DCC: variants seen among roughly 807,000 people sequenced by gnomAD.
DCC encodes netrin receptor DCC.
In DCC, 58 loss-of-function variants were observed where a neutral mutation model predicts 172.5. That is an observed-to-expected ratio of 0.34 (90% CI 0.27 to 0.42). The LOEUF (loss-of-function observed/expected upper bound fraction) is 0.42. Among genes scored for constraint, DCC ranks in the 10% least tolerant of loss-of-function variants. The pLI is 1.00. For synonymous variants in DCC, 709 were observed against 644.5 expected, an observed-to-expected ratio of 1.10 and a Z score of -1.52; for missense variants, 1,740 against 1,791.0, an observed-to-expected ratio of 0.97 and a Z score of 0.51.
chr18:52,495,739 T>C (rs545586909), intron 1 of DCC, among the ~76,000 whole-genome samples: 1 of 151,374 alleles, frequency 6.6e-6, no homozygotes, highest in African/African-American at 2.4e-5. Flanking sequence ...TGGCTGCATT[T>C]TTTATTTATT....
At chr18:52,880,062 T>G (rs567953105) in intron 2 of DCC, among the ~76,000 whole-genome samples, 13 of 152,276 alleles carry the variant, frequency 8.5e-5, no homozygotes, top group Admixed American at 7.2e-4. Context: ...TATTTTTAAA[T>G]GTACTATCAG....
intron 1 of DCC, among the ~76,000 whole-genome samples, chr18:52,439,648 C>T (rs1343603701): frequency 1.3e-5 from 2 of 152,202 alleles, no homozygotes; most frequent in African/African-American, 4.8e-5. Flanking sequence ...TGTTAAATAG[C>T]AGACCTCTTA....
At chr18:52,413,106 A>G (rs1003275586) in intron 1 of DCC, among the ~76,000 whole-genome samples, 9 of 149,628 alleles carry the variant, frequency 6.0e-5, no homozygotes, top group African/African-American at 2.2e-4. Flanking sequence ...TTAGAGGCTT[A>G]TATGTTTTTT....
chr18:52,675,462 C>T (rs2035631464), intron 1 of DCC, among the ~76,000 whole-genome samples: 2 of 152,138 alleles, frequency 1.3e-5, no homozygotes, highest in African/African-American at 4.8e-5. Flanking sequence ...TTCCACCTTC[C>T]TGGACCAAAT....
intron 15 of DCC, among the ~76,000 whole-genome samples, chr18:53,351,341 ATATATATACACAGTATATATATATACTG>A (rs1568074786): frequency 1.2e-4 from 9 of 75,992 alleles, no homozygotes; most frequent in African/African-American, 2.6e-4. Flanking sequence ...TACAGTGTAT[ATATATATACACAGTATATATATATACTG>A]TATATATATA....
rs559096139 is a variant in DCC, at chr18:53,302,166, T to C, written c.1912-3412T>C. Among the ~76,000 whole-genome samples the C allele has an allele frequency of 1.1e-4, 17 of 152,220 alleles. No individual in the cohort carries two copies. In the South Asian group the frequency reaches 3.1e-3, roughly 28 times the overall value. On this transcript the variant is annotated intron_variant, in intron 12 of 28. Transcript: ENST00000442544. The stretch of plus-strand genomic sequence containing the variant: ...GTGAACTAATTTAAACTTCATTACC[T>C]CCTTCAAGGACTTATCTCCAAATTC...
intron 12 of DCC, among the ~76,000 whole-genome samples, chr18:53,255,459 T>G (rs2056494865): frequency 6.8e-6 from 1 of 146,456 alleles, no homozygotes; most frequent in African/African-American, 2.5e-5. Flanking sequence ...AGTGAGAACA[T>G]GTGGTGTTTG....
intron 1 of DCC, among the ~76,000 whole-genome samples, chr18:52,383,264 C>T (rs1416285090): frequency 6.6e-6 from 1 of 152,074 alleles, no homozygotes; most frequent in African/African-American, 2.4e-5. Flanking sequence ...TAGGATTGTC[C>T]ATCTTACCAT....
intron 9 of DCC, among the ~76,000 whole-genome samples, chr18:53,186,772 A>G (rs2055288480): frequency 1.3e-5 from 2 of 152,200 alleles, no homozygotes; most frequent in Admixed American, 1.3e-4. Flanking sequence ...AAGGATAGAA[A>G]TGTATTGCTC....
chr18:52,401,055 T>C (rs1013051857), intron 1 of DCC, among the ~76,000 whole-genome samples: 1 of 152,010 alleles, frequency 6.6e-6, no homozygotes, highest in Admixed American at 6.6e-5. Flanking sequence ...TATACATATG[T>C]AACAAACCTG....
chr18:53,496,496 A>T (rs1430821650), intron 26 of DCC, among the ~76,000 whole-genome samples: 1 of 152,208 alleles, frequency 6.6e-6, no homozygotes, highest in African/African-American at 2.4e-5. Context: ...AAATCCACGA[A>T]GATTAGGAGA....
intron 1 of DCC, among the ~76,000 whole-genome samples, chr18:52,566,685 C>A (rs573805622): frequency 1.3e-5 from 2 of 151,900 alleles, no homozygotes; most frequent in African/African-American, 4.8e-5. Context: ...TTTGAGAAGG[C>A]TGGAATTGGG....
chr18:53,411,399 G>T (rs1909980901), intron 20 of DCC, among the ~76,000 whole-genome samples: 1 of 152,080 alleles, frequency 6.6e-6, no homozygotes, highest in African/African-American at 2.4e-5. Flanking sequence ...ATTTAAAGTT[G>T]TATATTTAAG....
At chr18:52,908,652 C>T (rs2039925282) in intron 3 of DCC, among the ~76,000 whole-genome samples, 1 of 152,186 alleles carries the variant, frequency 6.6e-6, no homozygotes, top group Admixed American at 6.5e-5. Flanking sequence ...CCCCATTTAC[C>T]TTTGTTTCTT....
At chr18:52,396,505 G>C (rs970560424) in intron 1 of DCC, among the ~76,000 whole-genome samples, 4 of 152,034 alleles carry the variant, frequency 2.6e-5, no homozygotes, top group Admixed American at 1.3e-4. Flanking sequence ...ACAGATGACT[G>C]TTAGTTCCTG....
chr18:52,686,396 A>G (rs1007393348), intron 1 of DCC, among the ~76,000 whole-genome samples: 4 of 152,162 alleles, frequency 2.6e-5, no homozygotes, highest in African/African-American at 9.6e-5. Context: ...CTGAGCTTCG[A>G]AAGGATTTTC....
At chr18:53,247,348 T>C (rs191404519) in intron 12 of DCC, among the ~76,000 whole-genome samples, 1 of 152,140 alleles carries the variant, frequency 6.6e-6, no homozygotes, top group Non-Finnish European at 1.5e-5. Context: ...TAATATTGTT[T>C]AGACATCCCA....
At chr18:52,710,619 T>C (rs577568006) in intron 1 of DCC, among the ~76,000 whole-genome samples, 25 of 152,364 alleles carry the variant, frequency 1.6e-4, no homozygotes, top group Admixed American at 1.5e-3. Context: ...GATTTTAATT[T>C]TTAAACATTT....
rs747791048 is a variant in DCC, at chr18:52,535,867, G to T, written c.91+194989G>T. ...ACAAAATATCTGTTATAAGAAAAGA[G>T]CCAAAGCCTGATTACACAGTGCAGA... On this transcript the variant is annotated intron_variant, in intron 1 of 28. Coordinates refer to ENST00000442544, the MANE Select transcript of DCC (RefSeq NM_005215.4). 9.2e-5 allele frequency among the ~76,000 whole-genome samples: 14 copies of T among 152,104 alleles called. 1 individual carries two copies.
Sources: allele counts gnomAD v4.1 joint callset (sites outside exome capture counted in the v4.1 genomes callset), GRCh38; gene constraint gnomAD v4.1.1; transcripts MANE v1.5; gene names NCBI Gene and HGNC (gene_info 2026-07-23, HGNC 2026-07-21).